The following FGF14 variants were observed in gnomAD, a reference collection of about 807,000 sequenced individuals.
The protein encoded by FGF14 is fibroblast growth factor homologous factor 4.
A neutral mutation model predicts 25.5 loss-of-function variants in FGF14; 5 were observed. That is an observed-to-expected ratio of 0.20 (90% CI 0.10 to 0.41). The LOEUF is 0.41. Among genes scored for constraint, FGF14 ranks in the 10% least tolerant of loss-of-function variants. FGF14 has a pLI of 1.00. For synonymous variants in FGF14, 138 were observed against 118.3 expected, an observed-to-expected ratio of 1.17 and a Z score of -1.08; for missense variants, 222 against 320.1, an observed-to-expected ratio of 0.69 and a Z score of 2.34.
chr13:101,902,362 T>C (rs2031677382), intron 1 of FGF14, among the ~76,000 whole-genome samples: 1 of 152,166 alleles, frequency 6.6e-6, no homozygotes, highest in Admixed American at 6.6e-5. Flanking sequence ...CAGAGGTATT[T>C]AAATGAAAGA....
intron 3 of FGF14, among the ~76,000 whole-genome samples, chr13:101,827,671 C>CT (rs1455131627): frequency 6.6e-6 from 1 of 151,646 alleles, no homozygotes; most frequent in East Asian, 1.9e-4. Flanking sequence ...TTAACCTAGG[C>CT]TTTTTTTATA....
chr13:101,959,333 G>A lies in FGF14; in HGVS notation c.209-84037C>T, dbSNP rs182418597. On this transcript the variant is annotated intron_variant, in intron 1 of 4. Transcript: ENST00000376131. ...AGTTTCCTTCTAGCACCCTCCTACC[G>A]AGATACCCCACAGTTGCCCATGGTG... is the stretch of plus-strand genomic sequence containing the variant. Among the ~76,000 whole-genome samples the A allele has an allele frequency of 3.6e-4, 54 of 151,970 alleles. No individual in the cohort carries two copies. The East Asian group carries it at 9.2e-3, about 26-fold the overall frequency.
chr13:101,837,479 C>T (rs936386164), intron 3 of FGF14, among the ~76,000 whole-genome samples: 3 of 151,988 alleles, frequency 2.0e-5, no homozygotes, highest in Admixed American at 6.6e-5. Flanking sequence ...AAGCTTGTTG[C>T]GTAATGTGCT....
chr13:102,350,130 C>CAGGTA (rs1317701748), intron 1 of FGF14, among the ~76,000 whole-genome samples: 1 of 152,094 alleles, frequency 6.6e-6, no homozygotes, highest in Non-Finnish European at 1.5e-5. Flanking sequence ...CAGCATACAG[C>CAGGTA]AGGTAATTTA....
At chr13:101,985,577 G>C (rs2038529214) in intron 1 of FGF14, among the ~76,000 whole-genome samples, 1 of 152,028 alleles carries the variant, frequency 6.6e-6, no homozygotes. Flanking sequence ...CATGGTGTGA[G>C]AACATCTACT....
At chr13:102,043,765 TTG>T (rs1210307539) in intron 1 of FGF14, among the ~76,000 whole-genome samples, 1 of 152,168 alleles carries the variant, frequency 6.6e-6, no homozygotes, top group Non-Finnish European at 1.5e-5. Context: ...AGCATTTATC[TTG>T]TTGATCTTGG....
intron 3 of FGF14, among the ~76,000 whole-genome samples, chr13:101,740,289 G>C (rs2036463662): frequency 6.6e-6 from 1 of 152,170 alleles, no homozygotes; most frequent in Non-Finnish European, 1.5e-5. Context: ...AAAGCAATGG[G>C]AAGACATTAG....
chr13:101,858,593 T>A (rs953323928), intron 3 of FGF14, among the ~76,000 whole-genome samples: 2 of 152,064 alleles, frequency 1.3e-5, no homozygotes, highest in African/African-American at 4.8e-5. Context: ...ACCTACCATG[T>A]ACCATTCACA....
chr13:101,982,338 A>G (rs1019979682), intron 1 of FGF14, among the ~76,000 whole-genome samples: 1 of 152,130 alleles, frequency 6.6e-6, no homozygotes, highest in Admixed American at 6.6e-5. Context: ...TTCTTTCTCA[A>G]ATGTTAAGGT....
At chr13:101,787,262 T>A (rs1358551030) in intron 3 of FGF14, among the ~76,000 whole-genome samples, 1 of 152,194 alleles carries the variant, frequency 6.6e-6, no homozygotes, top group African/African-American at 2.4e-5. Flanking sequence ...GTAATAAAGT[T>A]AAGCTCTAAT....
chr13:102,235,230 G>A (rs2051275471), intron 1 of FGF14, among the ~76,000 whole-genome samples: 1 of 152,164 alleles, frequency 6.6e-6, no homozygotes, highest in Non-Finnish European at 1.5e-5. Flanking sequence ...GTTTAATCAT[G>A]CCAAACAATA....
At chr13:102,107,866 T>A (rs1263344683) in intron 1 of FGF14, among the ~76,000 whole-genome samples, 3 of 152,210 alleles carry the variant, frequency 2.0e-5, no homozygotes, top group Non-Finnish European at 4.4e-5. Flanking sequence ...ATAGGCGTGC[T>A]GGATACAGAG....
At chr13:102,013,422 A>G (rs1414835242) in intron 1 of FGF14, among the ~76,000 whole-genome samples, 1 of 152,176 alleles carries the variant, frequency 6.6e-6, no homozygotes, top group African/African-American at 2.4e-5. Context: ...TTTTCTAAGG[A>G]TTATCTTCTT....
In FGF14 at chr13:101,909,847, G is replaced by T. The variant is rs1039299142; in HGVS notation, c.193+6606C>A. 4.6e-5 allele frequency among the ~76,000 whole-genome samples: 7 copies of T among 152,246 alleles called. 1 individual carries two copies. The highest frequency in any genetic ancestry group is 4.6e-4 in the Admixed American group (7 of 15,290). ...GCAAAGACTTGGAACCAACCCAAAT[G>T]TCCAACAATGATAGACTGGGTTAAG... On this transcript the variant is annotated intron_variant, in intron 1 of 4. Transcript: ENST00000376143.
At chr13:101,817,696 C>T (rs536313701) in intron 3 of FGF14, among the ~76,000 whole-genome samples, 2 of 152,194 alleles carry the variant, frequency 1.3e-5, no homozygotes, top group Non-Finnish European at 2.9e-5. Context: ...TGAAGGCGCT[C>T]TGCTAAGTGA....
chr13:101,733,220 G>A (rs2035926449), intron 3 of FGF14, among the ~76,000 whole-genome samples: 1 of 152,140 alleles, frequency 6.6e-6, no homozygotes, highest in Non-Finnish European at 1.5e-5. Context: ...ATATTGGGCT[G>A]TGACTAATGC....
chr13:102,050,252 A>G (rs1185815809), intron 1 of FGF14, among the ~76,000 whole-genome samples: 1 of 152,252 alleles, frequency 6.6e-6, no homozygotes, highest in East Asian at 1.9e-4. Flanking sequence ...ATAGAAAAAT[A>G]GATTAATAAA....
intron 1 of FGF14, among the ~76,000 whole-genome samples, chr13:102,046,497 G>T (rs1274458347): frequency 6.6e-6 from 1 of 152,134 alleles, no homozygotes; most frequent in Non-Finnish European, 1.5e-5. Flanking sequence ...CGTCAAATAG[G>T]AAAAGTGAGT....
At chr13:101,987,365 A>G (rs1197670104) in intron 1 of FGF14, among the ~76,000 whole-genome samples, 4 of 151,744 alleles carry the variant, frequency 2.6e-5, no homozygotes, top group South Asian at 2.1e-4. Context: ...TTTTTCCAGA[A>G]CTCTCCATTT....
Sources: gnomAD v4.1 joint callset for allele counts (sites outside exome capture counted in the v4.1 genomes callset) on GRCh38, gnomAD v4.1.1 for gene constraint, MANE v1.5 for transcripts, NCBI Gene and HGNC (gene_info 2026-07-23, HGNC 2026-07-21) for gene names.